Variants in ADGRV1 observed in about 807,000 individuals in gnomAD.
ADGRV1 encodes the protein G-protein coupled receptor 98.
Under a neutral mutation model 596.2 loss-of-function variants are expected in ADGRV1, and 359 were observed. That is an observed-to-expected ratio of 0.60 (90% confidence interval 0.55 to 0.66). ADGRV1 has a LOEUF of 0.66. Among genes scored for constraint, ADGRV1 ranks in the 30% least tolerant of loss-of-function variants. The pLI, the probability that ADGRV1 is intolerant of heterozygous loss-of-function variation, is 0.00. For synonymous variants in ADGRV1, 2,681 were observed against 2,679.2 expected, an observed-to-expected ratio of 1.00 and a Z score of -0.02; for missense variants, 7,274 against 7,575.6, an observed-to-expected ratio of 0.96 and a Z score of 1.48.
chr5:91,000,340 C>T lies in ADGRV1; in HGVS notation c.18152+14818C>T, dbSNP rs186606221. ...CATTGAATGTTAAAATTCTCTCCATCCCCATTTTTAATATTTAAAAATCTG... is the reference window on the plus strand; with the variant it reads ...CATTGAATGTTAAAATTCTCTCCATTCCCATTTTTAATATTTAAAAATCTG... On this transcript the variant is annotated intron_variant, in intron 85 of 89. Transcript: ENST00000405460. 4.4e-3 allele frequency among the ~76,000 whole-genome samples: 666 copies of T among 152,190 alleles called. 1 individual carries two copies. The highest frequency in any genetic ancestry group is 7.3e-3 in the Non-Finnish European group (494 of 68,012).
intron 83 of ADGRV1, among the ~76,000 whole-genome samples, chr5:90,923,215 T>C (rs577454319): frequency 2.0e-5 from 3 of 152,326 alleles, no homozygotes; most frequent in East Asian, 1.9e-4. Flanking sequence ...TTTTTCATTA[T>C]GCTGCTAAAG....
At chr5:90,703,586 G>C in intron 34 of ADGRV1, 79 bp from the exon 35 acceptor site, 1 of 1,031,138 alleles carries the variant, frequency 9.7e-7, no homozygotes, top group Non-Finnish European at 1.4e-6. Context: ...TTGCATGCTT[G>C]GGATTTGGGT....
intron 70 of ADGRV1, among the ~76,000 whole-genome samples, chr5:90,798,848 C>G (rs1761038143): frequency 1.3e-5 from 2 of 152,262 alleles, no homozygotes; most frequent in Admixed American, 1.3e-4. Flanking sequence ...TCAATAGATG[C>G]AGAAAAGGCC....
chr5:90,932,781 G>A (rs1775361996), intron 83 of ADGRV1, among the ~76,000 whole-genome samples: 2 of 150,072 alleles, frequency 1.3e-5, no homozygotes, highest in African/African-American at 4.9e-5. Flanking sequence ...AGAGAATATA[G>A]GCTTGTCGTG....
At chr5:90,940,346 C>T (rs1334962792) in intron 83 of ADGRV1, among the ~76,000 whole-genome samples, 3 of 152,156 alleles carry the variant, frequency 2.0e-5, no homozygotes, top group African/African-American at 4.8e-5. Context: ...CACTAAGAAT[C>T]CAAGCTAAGT....
At chr5:90,921,101 T>G (rs559951545) in intron 83 of ADGRV1, among the ~76,000 whole-genome samples, 2 of 152,322 alleles carry the variant, frequency 1.3e-5, no homozygotes, top group East Asian at 3.8e-4. Context: ...CATGCCCAAA[T>G]GAAAGTGTAA....
At chr5:90,655,365 C>G (rs1769253349) in intron 20 of ADGRV1, 3 of 152,138 alleles carry the variant, frequency 2.0e-5, no homozygotes, top group Non-Finnish European at 4.4e-5. Flanking sequence ...TTTTTGCCTG[C>G]TGTAGATATT....
At chr5:91,049,818 C>T (rs76036858) in intron 85 of ADGRV1, among the ~76,000 whole-genome samples, 6 of 152,316 alleles carry the variant, frequency 3.9e-5, no homozygotes, top group African/African-American at 7.2e-5. Context: ...TACAGTGCTA[C>T]GGGTTCCACA....
intron 1 of ADGRV1, among the ~76,000 whole-genome samples, chr5:90,564,271 G>A (rs1447489769): frequency 1.3e-5 from 2 of 152,194 alleles, no homozygotes; most frequent in African/African-American, 4.8e-5. Context: ...TTGATGAGCA[G>A]GAATGAAATG....
chr5:90,601,020 C>T (rs1761340497), intron 1 of ADGRV1, among the ~76,000 whole-genome samples: 2 of 152,098 alleles, frequency 1.3e-5, no homozygotes, highest in African/African-American at 2.4e-5. Flanking sequence ...GTGGATCACC[C>T]GAGGTCGGGA....
At chr5:90,938,555 T>C (rs950099532) in intron 83 of ADGRV1, among the ~76,000 whole-genome samples, 2 of 152,266 alleles carry the variant, frequency 1.3e-5, no homozygotes, top group Admixed American at 1.3e-4. Context: ...CTGGATATGA[T>C]GGTGCTCCCT....
intron 1 of ADGRV1, among the ~76,000 whole-genome samples, chr5:90,595,557 CG>C (rs1372314450): frequency 8.0e-5 from 10 of 125,452 alleles, no homozygotes; most frequent in African/African-American, 2.4e-4. Flanking sequence ...GCTGGCCGGG[CG>C]GGGGGCTGAC....
chr5:90,642,346 A>G (rs1767072290), intron 11 of ADGRV1, among the ~76,000 whole-genome samples: 1 of 152,200 alleles, frequency 6.6e-6, no homozygotes, highest in African/African-American at 2.4e-5. Context: ...AATAAAATAT[A>G]TTGATAACAT....
chr5:90,821,094 T>A (rs1229045404), intron 75 of ADGRV1, among the ~76,000 whole-genome samples: 2 of 152,200 alleles, frequency 1.3e-5, no homozygotes. Flanking sequence ...GTCGCATATT[T>A]CTTGGAGGCT....
intron 67 of ADGRV1, among the ~76,000 whole-genome samples, chr5:90,785,559 G>A (rs1252732787): frequency 6.6e-6 from 1 of 152,004 alleles, no homozygotes; most frequent in African/African-American, 2.4e-5. Flanking sequence ...AAATTTACAA[G>A]AGAAAAACAA....
At chr5:90,721,940 G>C (rs1751096559) in intron 45 of ADGRV1, among the ~76,000 whole-genome samples, 1 of 152,162 alleles carries the variant, frequency 6.6e-6, no homozygotes, top group Non-Finnish European at 1.5e-5. Context: ...CAGAAATAAG[G>C]AGGAATGTTG....
chr5:90,957,086 A>G (rs1002387393), intron 83 of ADGRV1, among the ~76,000 whole-genome samples: 1 of 152,190 alleles, frequency 6.6e-6, no homozygotes, highest in African/African-American at 2.4e-5. Context: ...GAAACTAAGT[A>G]TGGCATTATT....
chr5:90,613,654 C>T (rs1405767214), intron 1 of ADGRV1, among the ~76,000 whole-genome samples: 1 of 152,072 alleles, frequency 6.6e-6, no homozygotes, highest in Non-Finnish European at 1.5e-5. Context: ...TCCTGGACTC[C>T]ATTTGAACTC....
chr5:90,948,513 T>C (rs1008141873), intron 83 of ADGRV1, among the ~76,000 whole-genome samples: 5 of 152,110 alleles, frequency 3.3e-5, no homozygotes, highest in Non-Finnish European at 7.4e-5. Flanking sequence ...TATAAACACA[T>C]GGTATCCTAT....
Sources: allele counts gnomAD v4.1 joint callset (sites outside exome capture counted in the v4.1 genomes callset), GRCh38; gene constraint gnomAD v4.1.1; transcripts MANE v1.5; gene names NCBI Gene and HGNC (gene_info 2026-07-23, HGNC 2026-07-21).